The following MUSK variants were observed in gnomAD, a reference collection of about 807,000 sequenced individuals.
The protein encoded by MUSK is muscle, skeletal receptor tyrosine-protein kinase.
In MUSK, 55 loss-of-function variants were observed where a neutral mutation model predicts 88.7. That is an observed-to-expected ratio of 0.62 (90% CI 0.50 to 0.78). The LOEUF is 0.78. Ranked by LOEUF, MUSK falls within the 30% of genes least tolerant of loss-of-function variation. MUSK has a pLI of 0.00. For missense variants in MUSK, 1,015 were observed against 1,074.3 expected, an observed-to-expected ratio of 0.94 and a Z score of 0.77; for synonymous variants, 387 against 391.9, an observed-to-expected ratio of 0.99 and a Z score of 0.15.
intron 7 of MUSK, among the ~76,000 whole-genome samples, chr9:110,751,202 T>G (rs2077243362): frequency 6.6e-6 from 1 of 152,194 alleles, no homozygotes; most frequent in Non-Finnish European, 1.5e-5. Context: ...AGCAACATCA[T>G]GACTTCATTC....
At chr9:110,673,621 A>T (rs539221756) in intron 1 of MUSK, among the ~76,000 whole-genome samples, 3 of 152,130 alleles carry the variant, frequency 2.0e-5, no homozygotes, top group Admixed American at 2.0e-4. Flanking sequence ...ACATTCTAAG[A>T]CTCACTTCTT....
chr9:110,797,441 A>G (rs979899612), intron 14 of MUSK, among the ~76,000 whole-genome samples: 1 of 152,074 alleles, frequency 6.6e-6, no homozygotes, highest in Non-Finnish European at 1.5e-5. Context: ...TGGAATGACA[A>G]AGTCAGGGGT....
At chr9:110,688,826 G>A (rs1269075488) in intron 3 of MUSK, among the ~76,000 whole-genome samples, 1 of 151,240 alleles carries the variant, frequency 6.6e-6, no homozygotes, top group African/African-American at 2.4e-5. Flanking sequence ...AGTATTCCAT[G>A]GTGTTTAGGT....
At chr9:110,743,864 C>G (rs1450000233) in intron 6 of MUSK, among the ~76,000 whole-genome samples, 1 of 152,046 alleles carries the variant, frequency 6.6e-6, no homozygotes, top group Non-Finnish European at 1.5e-5. Context: ...ATCAGAAAAA[C>G]TATGGAAATG....
At chr9:110,752,318 C>T (rs2077258530) in intron 7 of MUSK, among the ~76,000 whole-genome samples, 1 of 152,186 alleles carries the variant, frequency 6.6e-6, no homozygotes, top group Non-Finnish European at 1.5e-5. Context: ...AATGAGGCTA[C>T]TTCGATGAAA....
At chr9:110,677,987 GATTTA>G (rs1014058684) in intron 1 of MUSK, among the ~76,000 whole-genome samples, 29 of 151,926 alleles carry the variant, frequency 1.9e-4, no homozygotes, top group South Asian at 6.2e-4. Flanking sequence ...TGAAATTTAT[GATTTA>G]ATTTAATTTG....
intron 5 of MUSK, among the ~76,000 whole-genome samples, chr9:110,701,020 T>C (rs1032447534): frequency 1.3e-5 from 2 of 152,196 alleles, no homozygotes; most frequent in Non-Finnish European, 2.9e-5. Flanking sequence ...TGGATGGAAT[T>C]TGAGAAAATT....
At chr9:110,771,189 TG>T (rs1402212482) in intron 9 of MUSK, among the ~76,000 whole-genome samples, 1 of 103,022 alleles carries the variant, frequency 9.7e-6, no homozygotes, top group Non-Finnish European at 1.9e-5. Context: ...TTTTTGTCCC[TG>T]GGTTCAAGCA....
chr9:110,672,848 T>C (rs1339048169), intron 1 of MUSK, among the ~76,000 whole-genome samples: 1 of 152,096 alleles, frequency 6.6e-6, no homozygotes, highest in Non-Finnish European at 1.5e-5. Context: ...CGAGAGCCCA[T>C]AAAATACAAA....
chr9:110,674,398 C>G (rs970485621), intron 1 of MUSK, among the ~76,000 whole-genome samples: 4 of 152,086 alleles, frequency 2.6e-5, no homozygotes, highest in Admixed American at 1.3e-4. Context: ...ATAACAATCA[C>G]CTCTCAAAAT....
In MUSK at chr9:110,725,785, G is replaced by A. The variant is rs996606249; in HGVS notation, c.629-8466G>A. ...AAGAAGATTACAAATCAATTTGGAA[G>A]ACAAGAACAATGCATTACATATAAA... On this transcript the variant is annotated intron_variant, in intron 5 of 14. Coordinates refer to ENST00000374448, the MANE Select transcript of MUSK (RefSeq NM_005592.4). Among the ~76,000 whole-genome samples the A allele has an allele frequency of 2.0e-5, 3 of 152,060 alleles. No individual in the cohort carries two copies. In the East Asian group the frequency reaches 5.8e-4, roughly 29 times the overall value.
At position 110,800,889 on chromosome 9, in the gene MUSK, A is replaced by G. The variant is rs1447190013; in HGVS notation, c.2511A>G (p.Leu837=). 7 of 1,563,324 alleles carry G rather than the reference A, an allele frequency of 4.5e-6. No individual in the cohort carries two copies. In the South Asian group the frequency reaches 8.5e-5, roughly 19 times the overall value. ...TGGAGCTGTACAATCTCATGCGTCTATGTTGGAGCAAGCTGCCTGCAGACA... is the reference window on the plus strand; with the variant it reads ...TGGAGCTGTACAATCTCATGCGTCTGTGTTGGAGCAAGCTGCCTGCAGACA... ...CPVELYNLMR[L]CWSKLPADRP... Residue 837 remains leucine (L), a synonymous_variant, in exon 15 of 15, where the codon CTA becomes CTG. Transcript: ENST00000374448.
chr9:110,752,107 C>T (rs373701659), intron 7 of MUSK, among the ~76,000 whole-genome samples: 4 of 152,064 alleles, frequency 2.6e-5, no homozygotes, highest in Non-Finnish European at 5.9e-5. Context: ...CAAAATTTCC[C>T]GAGGCAGACC....
intron 3 of MUSK, among the ~76,000 whole-genome samples, chr9:110,690,445 T>TATTTAA (rs1564220169): frequency 2.1e-5 from 1 of 48,640 alleles, no homozygotes; most frequent in African/African-American, 1.4e-4. Flanking sequence ...AATATAAGTA[T>TATTTAA]ATATAAATAT....
chr9:110,751,285 A>T (rs1325593260), intron 7 of MUSK, among the ~76,000 whole-genome samples: 1 of 152,206 alleles, frequency 6.6e-6, no homozygotes, highest in Non-Finnish European at 1.5e-5. Flanking sequence ...GTAACCTTAA[A>T]AAAACGGCAT....
intron 3 of MUSK, among the ~76,000 whole-genome samples, chr9:110,693,461 C>T (rs2076384858): frequency 2.6e-5 from 4 of 152,146 alleles, no homozygotes; most frequent in Admixed American, 1.3e-4. Context: ...CCAAGAGCTC[C>T]CTCCCCTAAA....
intron 1 of MUSK, among the ~76,000 whole-genome samples, chr9:110,681,042 A>ATATT (rs2076109698): frequency 6.5e-5 from 1 of 15,378 alleles, no homozygotes; most frequent in Admixed American, 6.6e-4. Flanking sequence ...TATATTATAT[A>ATATT]ATATATATTA....
intron 5 of MUSK, among the ~76,000 whole-genome samples, chr9:110,710,745 TACA>T (rs1017849094): frequency 1.6e-4 from 25 of 152,012 alleles, no homozygotes; most frequent in African/African-American, 5.5e-4. Context: ...AAAAAAATAG[TACA>T]ACAACATAAA....
At chr9:110,735,315 C>A (rs2077016127) in intron 6 of MUSK, among the ~76,000 whole-genome samples, 1 of 152,050 alleles carries the variant, frequency 6.6e-6, no homozygotes, top group Non-Finnish European at 1.5e-5. Context: ...ACTAAGTATC[C>A]ATCAATGGAT....
Sources: gnomAD v4.1 joint callset for allele counts (sites outside exome capture counted in the v4.1 genomes callset) on GRCh38, gnomAD v4.1.1 for gene constraint, MANE v1.5 for transcripts, NCBI Gene and HGNC (gene_info 2026-07-23, HGNC 2026-07-21) for gene names.